The following SDCCAG8 variants were observed in gnomAD, a reference collection of about 807,000 sequenced individuals.
SDCCAG8 encodes the protein SHH signaling and ciliogenesis regulator SDCCAG8.
Under a neutral mutation model 101.8 loss-of-function variants are expected in SDCCAG8, and 74 were observed. The ratio of observed to expected loss-of-function variants is 0.73; its 90% CI spans 0.60 to 0.88. The LOEUF (loss-of-function observed/expected upper bound fraction) is 0.88, where lower values mean the gene tolerates loss of function less well. Among genes scored for constraint, SDCCAG8 ranks in the 40% least tolerant of loss-of-function variants. The probability of loss-of-function intolerance (pLI) is 0.00; values close to 1 mark genes in which losing one functional copy is unlikely to be tolerated. For synonymous variants in SDCCAG8, 281 were observed against 292.9 expected (o/e 0.96, Z 0.41); for missense variants, 787 against 822.6 (o/e 0.96, Z 0.53).
intron 16 of SDCCAG8, among the ~76,000 whole-genome samples, chr1:243,480,782 T>C (rs1663527110): frequency 1.1e-5 from 1 of 87,566 alleles, no homozygotes; most frequent in Non-Finnish European, 2.2e-5. Context: ...GTGGGATGGA[T>C]GGATGGGTGG....
chr1:243,307,467 A>G, intron 7 of SDCCAG8: 1 of 983,750 alleles, frequency 1.0e-6, no homozygotes, highest in South Asian at 4.7e-5. Context: ...TTCCTCCTGA[A>G]GAAAAATGGG....
At chr1:243,384,563 T>C (rs1473721632) in intron 13 of SDCCAG8, among the ~76,000 whole-genome samples, 2 of 150,350 alleles carry the variant, frequency 1.3e-5, no homozygotes, top group Non-Finnish European at 2.9e-5. Context: ...GCACCAGGCC[T>C]CTCACTTACA....
chr1:243,339,688 G>A (rs2075272007), intron 10 of SDCCAG8, among the ~76,000 whole-genome samples: 1 of 152,150 alleles, frequency 6.6e-6, no homozygotes, highest in Non-Finnish European at 1.5e-5. Flanking sequence ...AACTAGTTCT[G>A]TAGTTCGAAG....
intron 16 of SDCCAG8, among the ~76,000 whole-genome samples, chr1:243,470,895 A>G (rs1055764993): frequency 2.4e-4 from 37 of 152,172 alleles, no homozygotes; most frequent in African/African-American, 8.9e-4. Context: ...AGCATCAACA[A>G]GCAAAAGAAA....
At chr1:243,325,425 T>C (rs1006726999) in intron 9 of SDCCAG8, among the ~76,000 whole-genome samples, 1 of 151,990 alleles carries the variant, frequency 6.6e-6, no homozygotes, top group African/African-American at 2.4e-5. Flanking sequence ...GTATACATAT[T>C]TTAATTTAAA....
chr1:243,276,851 C>T (rs372372753), intron 4 of SDCCAG8, among the ~76,000 whole-genome samples: 1 of 152,096 alleles, frequency 6.6e-6, no homozygotes, highest in African/African-American at 2.4e-5. Flanking sequence ...TCTTTTTACT[C>T]TCTCCATAGT....
At chr1:243,435,020 A>G (rs993313501) in intron 16 of SDCCAG8, among the ~76,000 whole-genome samples, 2 of 152,078 alleles carry the variant, frequency 1.3e-5, no homozygotes. Flanking sequence ...AGAAAAAGAC[A>G]CCCTTTGATT....
chr1:243,400,744 A>T (rs969197408), intron 13 of SDCCAG8, among the ~76,000 whole-genome samples: 2 of 152,202 alleles, frequency 1.3e-5, no homozygotes, highest in African/African-American at 2.4e-5. Flanking sequence ...TTGAAGTTAG[A>T]CACCTTTTAA....
intron 14 of SDCCAG8, 91 bp downstream of exon 14, chr1:243,415,920 C>A (rs1270209299): frequency 2.0e-6 from 3 of 1,500,088 alleles, no homozygotes; most frequent in Admixed American, 4.1e-5. Context: ...CACCTGTAAC[C>A]TTTGGCTGGC....
intron 13 of SDCCAG8, among the ~76,000 whole-genome samples, chr1:243,397,730 C>T (rs1472778494): frequency 1.3e-5 from 2 of 152,240 alleles, no homozygotes; most frequent in Admixed American, 6.5e-5. Context: ...TTAATTTCTG[C>T]TGCTGAGGTT....
chr1:243,278,578 A>G (rs1429260114), intron 4 of SDCCAG8, among the ~76,000 whole-genome samples: 1 of 152,152 alleles, frequency 6.6e-6, no homozygotes, highest in African/African-American at 2.4e-5. Flanking sequence ...CCAATTATTT[A>G]TTGCTAATAT....
chr1:243,355,319 T>A (rs1374737102), intron 12 of SDCCAG8, among the ~76,000 whole-genome samples: 2 of 134,564 alleles, frequency 1.5e-5, no homozygotes, highest in Non-Finnish European at 3.0e-5. Context: ...ATACCTTCTC[T>A]CTCTCTCTCT....
chr1:243,360,144 CTT>C (rs397860448), intron 12 of SDCCAG8, among the ~76,000 whole-genome samples: 7,031 of 112,842 alleles, frequency 0.062, 508 homozygotes, highest in African/African-American at 0.24. Context: ...GCAACAGTCT[CTT>C]TTTTTTTTTT....
chr1:243,403,742 CTG>C (rs1487775710), intron 13 of SDCCAG8, among the ~76,000 whole-genome samples: 2 of 152,186 alleles, frequency 1.3e-5, no homozygotes, highest in Non-Finnish European at 2.9e-5. Context: ...TGATCTGTCA[CTG>C]TCTCCCGTCA....
intron 4 of SDCCAG8, among the ~76,000 whole-genome samples, chr1:243,281,141 A>G (rs532977973): frequency 7.6e-4 from 115 of 152,228 alleles, no homozygotes; most frequent in African/African-American, 2.7e-3. Flanking sequence ...TTTATCTCTG[A>G]TCATTTTCAT....
chr1:243,290,227 A>G (rs1472860247), intron 5 of SDCCAG8, among the ~76,000 whole-genome samples: 1 of 113,180 alleles, frequency 8.8e-6, no homozygotes, highest in East Asian at 2.8e-4. Flanking sequence ...CCTGCCACCC[A>G]ATTAAGAAAT....
chr1:243,377,481 A>G (rs979572659), intron 12 of SDCCAG8, among the ~76,000 whole-genome samples: 3 of 152,072 alleles, frequency 2.0e-5, no homozygotes, highest in Non-Finnish European at 4.4e-5. Context: ...AAATGATACA[A>G]TTATTTCACA....
At chr1:243,292,171 T>A (rs1175814310) in intron 5 of SDCCAG8, among the ~76,000 whole-genome samples, 1 of 152,170 alleles carries the variant, frequency 6.6e-6, no homozygotes, top group Admixed American at 6.5e-5. Flanking sequence ...ATAGGATTTT[T>A]ATGGAGGTTT....
At chr1:243,283,634 A>T (rs994521442) in intron 4 of SDCCAG8, among the ~76,000 whole-genome samples, 3 of 151,590 alleles carry the variant, frequency 2.0e-5, no homozygotes, top group African/African-American at 7.3e-5. Flanking sequence ...TATTTTGAGC[A>T]TTTTCTTTTC....
Sources: allele counts gnomAD v4.1 joint callset (sites outside exome capture counted in the v4.1 genomes callset), GRCh38; gene constraint gnomAD v4.1.1; transcripts MANE v1.5; gene names NCBI Gene and HGNC (gene_info 2026-07-23, HGNC 2026-07-21).